The following CNTNAP4 variants were observed in gnomAD, a reference collection of about 807,000 sequenced individuals.
CNTNAP4 encodes contactin-associated protein-like 4.
Under a neutral mutation model 148.4 loss-of-function variants are expected in CNTNAP4, and 98 were observed. That is an observed-to-expected ratio of 0.66 (90% confidence interval 0.56 to 0.78). The LOEUF is 0.78. Among genes scored for constraint, CNTNAP4 ranks in the 30% least tolerant of loss-of-function variants. CNTNAP4 has a pLI of 0.00. For missense variants in CNTNAP4, 1,935 were observed against 1,565.6 expected (o/e 1.24, Z -3.98); for synonymous variants, 730 against 565.1 (o/e 1.29, Z -4.14).
chr16:76,323,013 G>T lies in CNTNAP4; in HGVS notation c.196+6490G>T, dbSNP rs372798606. ...CCACACCCACCTAATTTTTTTTGTT[G>T]TTGTTGTATTATTAGTAGAGATGGG... is the stretch of plus-strand genomic sequence containing the variant. On this transcript the variant is annotated intron_variant, in intron 2 of 23. Coordinates refer to ENST00000611870, the MANE Select transcript of CNTNAP4 (RefSeq NM_033401.5). Among the ~76,000 whole-genome samples the T allele has an allele frequency of 9.9e-5, 15 of 151,332 alleles. No homozygotes were observed. In the East Asian group the frequency reaches 2.5e-3, roughly 26 times the overall value.
At chr16:76,503,674 C>A (rs1473396249) in intron 15 of CNTNAP4, among the ~76,000 whole-genome samples, 1 of 151,824 alleles carries the variant, frequency 6.6e-6, no homozygotes. Flanking sequence ...GCTATCCCTC[C>A]CCCTTCCCCC....
rs1334113121 is a variant in CNTNAP4 at position 76,507,102 on chromosome 16, AATAG to A, written c.2365+8411_2365+8414del. 2.1e-5 allele frequency among the ~76,000 whole-genome samples: 2 copies of A among 97,514 alleles called. 1 individual carries two copies. Among genetic ancestry groups the A allele is most frequent in the Non-Finnish European group, 5.8e-5 (2 of 34,304 alleles). 64.0% of individuals were successfully genotyped at this position (97,514 alleles called of 152,430 possible). On this transcript the variant is annotated intron_variant, in intron 15 of 23. Transcript: ENST00000611870. ...AAATGTAAAATTTTCGTGGGTACAT[AATAG>A]ATGTATATATTTATGGGATACATGA...
At chr16:76,349,661 A>T (rs1208799706) in intron 2 of CNTNAP4, among the ~76,000 whole-genome samples, 1 of 152,158 alleles carries the variant, frequency 6.6e-6, no homozygotes, top group Non-Finnish European at 1.5e-5. Context: ...AAAAGTAATT[A>T]TCTTGGAGGG....
chr16:76,484,166 T>A (rs1205147324), intron 12 of CNTNAP4, among the ~76,000 whole-genome samples: 9 of 144,402 alleles, frequency 6.2e-5, no homozygotes, highest in African/African-American at 2.3e-4. Flanking sequence ...ACCTGAAGAG[T>A]GTGTATGTGT....
intron 10 of CNTNAP4, among the ~76,000 whole-genome samples, chr16:76,471,196 C>T (rs574234390): frequency 2.0e-3 from 300 of 152,190 alleles, no homozygotes; most frequent in Middle Eastern, 0.017. Flanking sequence ...CCAGGGACTT[C>T]GGAGAGGGGT....
chr16:76,553,539 A>G (rs1344398172), intron 22 of CNTNAP4, 38 bp downstream of exon 22: 3 of 1,438,268 alleles, frequency 2.1e-6, no homozygotes, highest in Admixed American at 3.8e-5. Flanking sequence ...TCACAGACGT[A>G]GCTTGTCCAT....
chr16:76,453,269 G>A (rs2080589100), intron 8 of CNTNAP4, among the ~76,000 whole-genome samples: 1 of 152,148 alleles, frequency 6.6e-6, no homozygotes, highest in Non-Finnish European at 1.5e-5. Context: ...GTAAAGAGTT[G>A]AATACATTTT....
chr16:76,481,038 G>A (rs568980393), intron 12 of CNTNAP4, among the ~76,000 whole-genome samples: 9 of 152,122 alleles, frequency 5.9e-5, no homozygotes, highest in Non-Finnish European at 1.0e-4. Flanking sequence ...CTGTCACAAA[G>A]ATAAACAAAT....
intron 15 of CNTNAP4, among the ~76,000 whole-genome samples, chr16:76,518,311 A>G (rs2083327067): frequency 6.6e-6 from 1 of 151,990 alleles, no homozygotes; most frequent in East Asian, 1.9e-4. Flanking sequence ...CATTTTTAGT[A>G]GAGACAGGGT....
In CNTNAP4 at chr16:76,552,257, A is replaced by G. The variant is rs771908094; in HGVS notation, c.3443-1026A>G. On this transcript the variant is annotated intron_variant, in intron 21 of 23. Coordinates refer to ENST00000611870, the MANE Select transcript of CNTNAP4 (RefSeq NM_033401.5). ...TGCCTCCACGATCCAATCACCTCCC[A>G]CAGGGTCCCTCCCTTGACACGTGGG... 1.3e-3 allele frequency among the ~76,000 whole-genome samples: 204 copies of G among 152,254 alleles called. 1 individual carries two copies. Among genetic ancestry groups the G allele is most frequent in the Non-Finnish European group, 1.6e-3 (106 of 68,016 alleles).
At chr16:76,279,343 A>G (rs1416471917) in intron 1 of CNTNAP4, among the ~76,000 whole-genome samples, 2 of 152,176 alleles carry the variant, frequency 1.3e-5, no homozygotes, top group African/African-American at 4.8e-5. Context: ...ACATTAATCT[A>G]ATTATTTGGG....
intron 1 of CNTNAP4, among the ~76,000 whole-genome samples, chr16:76,313,979 C>T (rs549651395): frequency 6.6e-6 from 1 of 152,016 alleles, no homozygotes; most frequent in Non-Finnish European, 1.5e-5. Flanking sequence ...AAGATGACAT[C>T]GAATGAAGAA....
chr16:76,329,424 T>C (rs1247286907), intron 2 of CNTNAP4, among the ~76,000 whole-genome samples: 1 of 152,230 alleles, frequency 6.6e-6, no homozygotes, highest in East Asian at 1.9e-4. Context: ...TTACTATTTA[T>C]AGTTTTATAA....
rs543350408 is a variant in CNTNAP4, at chr16:76,440,075, A to G, written c.539-7937A>G. Among the ~76,000 whole-genome samples, 5 of 152,300 alleles carry G rather than the reference A, an allele frequency of 3.3e-5. No homozygotes were observed. The East Asian group carries it at 9.6e-4, about 29-fold the overall frequency. The stretch of plus-strand genomic sequence containing the variant: ...AATTCATGGGCAATAACTTTCAAAT[A>G]AATAAACAGTATGATCAGTGTTTAA... On this transcript the variant is annotated intron_variant, in intron 4 of 23. Coordinates refer to ENST00000611870, the MANE Select transcript of CNTNAP4 (RefSeq NM_033401.5).
chr16:76,285,321 C>T (rs1374454659), intron 1 of CNTNAP4, among the ~76,000 whole-genome samples: 2 of 151,866 alleles, frequency 1.3e-5, no homozygotes, highest in Admixed American at 6.6e-5. Flanking sequence ...GTGAGTGAAG[C>T]CTGAAAACAT....
intron 3 of CNTNAP4, among the ~76,000 whole-genome samples, chr16:76,415,954 A>G (rs1048155301): frequency 7.2e-6 from 1 of 138,840 alleles, no homozygotes; most frequent in African/African-American, 2.6e-5. Flanking sequence ...ACTCTGTCTT[A>G]TTTTTGTCAA....
At chr16:76,541,521 G>T (rs2084454713) in intron 21 of CNTNAP4, among the ~76,000 whole-genome samples, 1 of 152,184 alleles carries the variant, frequency 6.6e-6, no homozygotes. Context: ...GGGGGCTCTT[G>T]TAGCCTAATT....
At chr16:76,402,198 C>T (rs1488531881) in intron 3 of CNTNAP4, among the ~76,000 whole-genome samples, 1 of 152,048 alleles carries the variant, frequency 6.6e-6, no homozygotes, top group Non-Finnish European at 1.5e-5. Context: ...CTGTTTATTA[C>T]TGATTCAATT....
At chr16:76,309,560 A>T (rs1042116430) in intron 1 of CNTNAP4, among the ~76,000 whole-genome samples, 5 of 152,222 alleles carry the variant, frequency 3.3e-5, no homozygotes, top group Admixed American at 3.3e-4. Context: ...TATTTCCTAA[A>T]CATATTCAGC....
Sources: gnomAD v4.1 joint callset for allele counts (sites outside exome capture counted in the v4.1 genomes callset) on GRCh38, gnomAD v4.1.1 for gene constraint, MANE v1.5 for transcripts, NCBI Gene and HGNC (gene_info 2026-07-23, HGNC 2026-07-21) for gene names.